Variants in RELL2 observed in about 807,000 individuals in gnomAD.
The protein encoded by RELL2 is RELT-like protein 2.
In RELL2, 18 loss-of-function variants were observed where a neutral mutation model predicts 27.5. That is an observed-to-expected ratio of 0.65 (90% CI 0.45 to 0.97). The LOEUF is 0.97. RELL2 is among the 50% of genes least tolerant of loss of function. The pLI is 0.00. For synonymous variants in RELL2, 156 were observed against 147.5 expected (o/e 1.06, Z -0.42); for missense variants, 370 against 397.5 (o/e 0.93, Z 0.59).
In RELL2 at chr5:141,639,913, C is replaced by A; in HGVS notation, c.504-7C>A. The A allele has an allele frequency of 6.2e-7, 1 of 1,613,884 alleles. No individual in the cohort carries two copies. Among genetic ancestry groups the A allele is most frequent in the Non-Finnish European group, 8.5e-7 (1 of 1,179,968 alleles). On this transcript the variant is annotated splice_region_variant and splice_polypyrimidine_tract_variant and intron_variant, in intron 4 of 6. Coordinates refer to ENST00000297164, the MANE Select transcript of RELL2 (RefSeq NM_173828.5). This position sits in a 1 kb window ranked among gnomAD's most constrained non-coding sequence, Gnocchi z 4.4. ...GTCCTAAACCCCAGTGTTCCCTCCC[C>A]TCCCAGGTTCCGGGTGACACACATT...
intron 5 of RELL2, 38 bp downstream of exon 5, chr5:141,640,333 C>T (rs1179536130): frequency 1.2e-6 from 2 of 1,613,894 alleles, no homozygotes; most frequent in African/African-American, 1.3e-5. Flanking sequence ...GGGCTGGGCT[C>T]TTATTGCTCT....
chr5:141,638,483 C>A (rs2099906424), intron 1 of RELL2, 74 bp downstream of exon 1: 1 of 1,393,772 alleles, frequency 7.2e-7, no homozygotes, highest in Non-Finnish European at 9.7e-7. Flanking sequence ...CCCTGACCAA[C>A]AGACCCAGGC....
rs551550609 is a variant in RELL2 at position 141,637,564 on chromosome 5, C to G, written c.-662C>G. Reference sequence around the variant, plus strand: ...CCCGCATCCTTCTCTGTTCTTCCCTCCCCCCGCCTGCCACGGCGCGGGTAT... The same window carrying G: ...CCCGCATCCTTCTCTGTTCTTCCCTGCCCCCGCCTGCCACGGCGCGGGTAT... On this transcript the variant is annotated 5_prime_UTR_variant, in exon 1 of 7. Coordinates refer to ENST00000297164, the MANE Select transcript of RELL2 (RefSeq NM_173828.5). 2.0e-5 allele frequency: 3 copies of G among 152,234 alleles called. No individual in the cohort carries two copies. Among genetic ancestry groups the G allele is most frequent in the African/African-American group, 7.2e-5 (3 of 41,442 alleles). 9.4% of individuals were successfully genotyped at this position (152,234 alleles called of 1,614,324 possible). A position where few individuals can be genotyped will look rare whatever the true frequency, so the allele number is the denominator to read the frequency against.
chr5:141,638,699 G>C (rs1596452807), intron 1 of RELL2, 96 bp from the exon 2 acceptor site: 2 of 1,071,424 alleles, frequency 1.9e-6, no homozygotes, highest in South Asian at 1.3e-5. Flanking sequence ...TAGGTAAAAG[G>C]GTATGTCCTA....
Position 141,640,096 on chromosome 5 carries a change from C to G in RELL2, c.680C>G (p.Pro227Arg). ...ATGGAGAGGCTGCCCCCTGAGAGGC[C>G]ACAGCCCCAGGTCCTAGCCAGCCCC... ...PAMERLPPERPQPQVLASPPV... is the reference protein window; with the variant it reads ...PAMERLPPERRQPQVLASPPV... The change falls in exon 5 of 7, where the codon CCA (proline) becomes CGA (arginine). Residue 227 changes from proline (P) to arginine (R), a missense_variant. Transcript: ENST00000297164. The G allele has an allele frequency of 1.9e-6, 3 of 1,613,666 alleles. No homozygotes were observed. Among genetic ancestry groups the G allele is most frequent in the Non-Finnish European group, 2.5e-6 (3 of 1,179,786 alleles).
In RELL2 at chr5:141,637,000, C is replaced by T. The variant is rs145410419; in HGVS notation, c.-1226C>T. On this transcript the variant is annotated 5_prime_UTR_variant, in exon 1 of 7. Transcript: ENST00000297164. ...CTCTCCCGGTATCTGGGGCTTTGAG[C>T]GTCCCGGGTTGGGCAGGGAACTGGC... The T allele has an allele frequency of 3.9e-3, 1,539 of 393,344 alleles. 9 individuals carry two copies. Among genetic ancestry groups the T allele is most frequent in the Admixed American group, 0.01 (219 of 21,570 alleles). The allele number at this position is 393,344 out of a possible 1,614,324, so 24.4% of individuals were successfully genotyped here.
chr5:141,640,523 C>T, intron 6 of RELL2, 78 bp downstream of exon 6: 2 of 1,608,398 alleles, frequency 1.2e-6, no homozygotes, highest in Non-Finnish European at 1.7e-6. Context: ...TTTCGGCTCC[C>T]TGAACCCCCC....
Position 141,637,409 on chromosome 5 carries a change from C to T in RELL2, c.-817C>T, listed in dbSNP as rs1434675262. The T allele has an allele frequency of 6.6e-6, 1 of 152,396 alleles. No individual in the cohort carries two copies. The highest frequency in any genetic ancestry group is 1.5e-5 in the Non-Finnish European group (1 of 68,176). 9.4% of individuals were successfully genotyped at this position (152,396 alleles called of 1,614,324 possible). A position where few individuals can be genotyped will look rare whatever the true frequency, so the allele number is the denominator to read the frequency against. On this transcript the variant is annotated 5_prime_UTR_variant, in exon 1 of 7. Coordinates refer to ENST00000297164, the MANE Select transcript of RELL2 (RefSeq NM_173828.5). ...CAGAGCTCACGCTCTCCGCCCCGCA[C>T]ACCTGCGCTCCGCCCCCTGGTCCTG...
chr5:141,638,139 G>A lies in RELL2; in HGVS notation c.-87G>A. 4 of 813,690 alleles carry A rather than the reference G, an allele frequency of 4.9e-6. No individual in the cohort carries two copies. Among genetic ancestry groups the A allele is most frequent in the Admixed American group, 4.3e-5 (2 of 46,212 alleles). The allele number at this position is 813,690 out of a possible 1,614,324, so 50.4% of individuals were successfully genotyped here. ...AGACGTGCTTGTTTCAGATCCTGAG[G>A]ACGGCATTCCTACCCCTCCCCCATT... On this transcript the variant is annotated 5_prime_UTR_variant, in exon 1 of 7. Coordinates refer to ENST00000297164, the MANE Select transcript of RELL2 (RefSeq NM_173828.5).
In RELL2 at chr5:141,640,679, A is replaced by G. The variant is rs2154598261; in HGVS notation, c.*10A>G. On this transcript the variant is annotated 3_prime_UTR_variant, in exon 7 of 7. Coordinates refer to ENST00000297164, the MANE Select transcript of RELL2 (RefSeq NM_173828.5). ...TCTTCCTCTTCTCCAAGTCTCCTTC[A>G]TTGTGCTGATGGACTACCAGCTGGC... The G allele has an allele frequency of 1.3e-6, 2 of 1,535,456 alleles. No homozygotes were observed. Among genetic ancestry groups the G allele is most frequent in the East Asian group, 2.4e-5 (1 of 40,896 alleles).
chr5:141,639,108 A>T lies in RELL2; in HGVS notation c.317+87A>T. The stretch of plus-strand genomic sequence containing the variant: ...CACAATCCTCTCCCAGCCTCCTTGC[A>T]TGTATGGGGTTGGGGGAAGGGCAAA... On this transcript the variant is annotated intron_variant, in intron 3 of 6. Transcript: ENST00000297164. The surrounding 1 kb of genome is among the most constrained non-coding windows in gnomAD (Gnocchi z 4.4). The T allele has an allele frequency of 8.4e-7, 1 of 1,193,904 alleles. No homozygotes were observed. The highest frequency in any genetic ancestry group is 1.2e-6 in the Non-Finnish European group (1 of 835,480). 74.0% of individuals were successfully genotyped at this position (1,193,904 alleles called of 1,614,324 possible).
Position 141,639,203 on chromosome 5 carries a change from A to T in RELL2, c.317+182A>T. On this transcript the variant is annotated intron_variant, in intron 3 of 6. Transcript: ENST00000297164. This position sits in a 1 kb window ranked among gnomAD's most constrained non-coding sequence, Gnocchi z 4.4. ...TTCCTTCAAACCATCTCTCTCATCTAGATATCATCAAGCCTAACATTCACC... is the reference window on the plus strand; with the variant it reads ...TTCCTTCAAACCATCTCTCTCATCTTGATATCATCAAGCCTAACATTCACC... 2 of 625,922 alleles carry T rather than the reference A, an allele frequency of 3.2e-6. No homozygotes were observed. The highest frequency in any genetic ancestry group is 5.6e-6 in the Non-Finnish European group (2 of 359,854). The allele number at this position is 625,922 out of a possible 1,614,324, so 38.8% of individuals were successfully genotyped here.
chr5:141,640,363 T>A (rs149611844), intron 5 of RELL2, 49 bp from the exon 6 acceptor site: 1 of 1,614,120 alleles, frequency 6.2e-7, no homozygotes, highest in Non-Finnish European at 8.5e-7. Context: ...GGGGCACTGA[T>A]AGGACCTACT....
Position 141,638,872 on chromosome 5 carries a change from A to AT in RELL2, c.250+13dup. The stretch of plus-strand genomic sequence containing the variant: ...CATCCAGAATGAAGGTGGGTCTAGC[A>AT]TAGCCCCTTGCTCCCTCTTCTCCAA... On this transcript the variant is annotated intron_variant, in intron 2 of 6. Coordinates refer to ENST00000297164, the MANE Select transcript of RELL2 (RefSeq NM_173828.5). 1 of 1,612,940 alleles carries AT rather than the reference A, an allele frequency of 6.2e-7. No individual in the cohort carries two copies. The highest frequency in any genetic ancestry group is 1.1e-5 in the South Asian group (1 of 91,062).
chr5:141,640,386 T>C (rs771957885), intron 5 of RELL2, 26 bp from the exon 6 acceptor site: 8 of 1,614,130 alleles, frequency 5.0e-6, no homozygotes, highest in South Asian at 1.1e-5. Flanking sequence ...TGGTCTCTCA[T>C]TGTTGACCCC....
At position 141,640,426 on chromosome 5, in the gene RELL2, G is replaced by A. The variant is rs202083613; in HGVS notation, c.894G>A (p.Gln298=). The change falls in exon 6 of 7, where the codon CAG becomes CAA. Residue 298 remains glutamine (Q), a synonymous_variant. Transcript: ENST00000297164. ...DTSDHQVSLP[Q]GAGSM is the part of the protein sequence containing the mutation. ...CTTTCTCTCAGGTGTCTCTACCACA[G>A]GGAGCAGGGAGTATGTGAGGTGAGT... 113 of 1,614,184 alleles carry A rather than the reference G, an allele frequency of 7.0e-5. No homozygotes were observed. The South Asian group carries it at 1.1e-3, about 16-fold the overall frequency.
chr5:141,639,526 G>A lies in RELL2; in HGVS notation c.380G>A (p.Gly127Asp), dbSNP rs1465768037. The A allele has an allele frequency of 2.5e-6, 4 of 1,613,872 alleles. No individual in the cohort carries two copies. Among genetic ancestry groups the A allele is most frequent in the Non-Finnish European group, 3.4e-6 (4 of 1,179,990 alleles). The change falls in exon 4 of 7, where the codon GGC becomes GAC. Residue 127 changes from glycine (G) to aspartate (D), a missense_variant. Physicochemically the swap from Gly to Asp is moderately conservative, Grantham distance 94 (BLOSUM62 -1). Transcript: ENST00000297164. The surrounding 1 kb of genome is among the most constrained non-coding windows in gnomAD (Gnocchi z 4.4). ...TCCCATCATCACACAGTGCACCTGG[G>A]CTCTGCAGCCCCTTGCCTCCATTGC... ...APSHHHTVHL[G>D]SAAPCLHCSR... is the part of the protein sequence containing the mutation.
At chr5:141,640,339 G>T in intron 5 of RELL2, 44 bp downstream of exon 5, 1 of 1,613,990 alleles carries the variant, frequency 6.2e-7, no homozygotes. Flanking sequence ...GGCTCTTATT[G>T]CTCTCTACTC....
At position 141,640,276 on chromosome 5, in the gene RELL2, C is replaced by G; in HGVS notation, c.860C>G (p.Pro287Arg). The change falls in exon 5 of 7, where the codon CCA becomes CGA. Residue 287 changes from proline (P) to arginine (R), a missense_variant. Coordinates refer to ENST00000297164, the MANE Select transcript of RELL2 (RefSeq NM_173828.5). ...TQEANGQPSKPDTSDHQVSLP... is the reference protein window; with the variant it reads ...TQEANGQPSKRDTSDHQVSLP... Reference sequence around the variant, plus strand: ...GAGGCAAATGGGCAGCCAAGCAAACCAGACACTTCTGATCACCAGGTAGGA... The same window carrying G: ...GAGGCAAATGGGCAGCCAAGCAAACGAGACACTTCTGATCACCAGGTAGGA... 6.2e-7 allele frequency: 1 copy of G among 1,613,874 alleles called. No homozygotes were observed. The highest frequency in any genetic ancestry group is 8.5e-7 in the Non-Finnish European group (1 of 1,179,858).
Sources: allele counts gnomAD v4.1 joint callset, GRCh38; gene constraint gnomAD v4.1.1; non-coding constraint Gnocchi (gnomAD v3.1); transcripts MANE v1.5; gene names NCBI Gene and HGNC (gene_info 2026-07-23, HGNC 2026-07-21).